DHX35: variants seen among roughly 807,000 people sequenced by gnomAD.
The protein encoded by DHX35 is DEAH-box helicase 35, also known as probable ATP-dependent RNA helicase DHX35.
DHX35 carries 84 observed loss-of-function variants against 99.6 expected under a neutral mutation model. That is an observed-to-expected ratio of 0.84 (90% confidence interval 0.71 to 1.01). The LOEUF (loss-of-function observed/expected upper bound fraction) is 1.01, where lower values mean the gene tolerates loss of function less well. DHX35 is among the 50% of genes least tolerant of loss of function. The probability of loss-of-function intolerance (pLI) is 0.00; values close to 1 mark genes in which losing one functional copy is unlikely to be tolerated. For synonymous variants in DHX35, 331 were observed against 316.2 expected, an observed-to-expected ratio of 1.05 and a Z score of -0.50; for missense variants, 852 against 888.5, an observed-to-expected ratio of 0.96 and a Z score of 0.52.
intron 2 of DHX35, among the ~76,000 whole-genome samples, chr20:38,970,780 G>A (rs929277436): frequency 6.6e-6 from 1 of 151,612 alleles, no homozygotes; most frequent in African/African-American, 2.4e-5. Flanking sequence ...TTAAATTTTG[G>A]CCTTTTCTTG....
intron 3 of DHX35, among the ~76,000 whole-genome samples, chr20:38,974,011 T>C (rs959038952): frequency 6.6e-6 from 1 of 152,254 alleles, no homozygotes; most frequent in Non-Finnish European, 1.5e-5. Context: ...TGAACATTCA[T>C]GTGCTTGTCT....
intron 3 of DHX35, among the ~76,000 whole-genome samples, chr20:38,973,907 T>G (rs2086038591): frequency 6.6e-6 from 1 of 152,236 alleles, no homozygotes; most frequent in Admixed American, 6.5e-5. Flanking sequence ...CTAGTTAGTA[T>G]TCCACTCTAT....
At chr20:38,997,630 G>A (rs561276829) in intron 8 of DHX35, among the ~76,000 whole-genome samples, 24 of 152,240 alleles carry the variant, frequency 1.6e-4, no homozygotes, top group African/African-American at 3.9e-4. Context: ...CTCAGCCAGT[G>A]CCTCCTGTGT....
At chr20:38,984,305 A>G (rs1229523346) in intron 4 of DHX35, among the ~76,000 whole-genome samples, 1 of 152,210 alleles carries the variant, frequency 6.6e-6, no homozygotes, top group Non-Finnish European at 1.5e-5. Context: ...CTGAGGAAAT[A>G]AAAAAACAAT....
chr20:39,002,916 C>A, intron 10 of DHX35, 48 bp downstream of exon 10: 1 of 1,466,374 alleles, frequency 6.8e-7, no homozygotes, highest in Non-Finnish European at 9.5e-7. Flanking sequence ...AAGACAGCAC[C>A]AAAAGTAATA....
chr20:38,983,634 T>C, intron 3 of DHX35, 65 bp from the exon 4 acceptor site: 1 of 1,346,538 alleles, frequency 7.4e-7, no homozygotes, highest in Admixed American at 1.7e-5. Flanking sequence ...TACGGGAGCA[T>C]CTTGGGGGAG....
At chr20:39,021,695 T>C in intron 15 of DHX35, 146 bp from the exon 16 acceptor site, 1 of 767,322 alleles carries the variant, frequency 1.3e-6, no homozygotes. Context: ...CTGCCCAGGC[T>C]TATATACTAT....
At position 39,003,601 on chromosome 20, in the gene DHX35, A is replaced by G. The variant is rs868606117; in HGVS notation, c.853-148A>G. The G allele has an allele frequency of 1.2e-5, 10 of 862,886 alleles. No homozygotes were observed. In the South Asian group the frequency reaches 1.6e-4, roughly 13 times the overall value. 53.5% of individuals were successfully genotyped at this position (862,886 alleles called of 1,614,324 possible). A position where few individuals can be genotyped will look rare whatever the true frequency, so the allele number is the denominator to read the frequency against. On this transcript the variant is annotated intron_variant, in intron 10 of 21. Transcript: ENST00000252011. The stretch of plus-strand genomic sequence containing the variant: ...GTGTATTAGCATTTAATTAAATACC[A>G]TCCCAGAGTGGAACATGACGGCACT...
At chr20:39,004,679 G>A (rs1021856709) in intron 11 of DHX35, among the ~76,000 whole-genome samples, 9 of 152,246 alleles carry the variant, frequency 5.9e-5, no homozygotes, top group Non-Finnish European at 1.3e-4. Flanking sequence ...GTGGTGGAAA[G>A]CATTGGTTTG....
intron 3 of DHX35, among the ~76,000 whole-genome samples, chr20:38,975,373 G>A (rs2086060559): frequency 6.6e-6 from 1 of 152,228 alleles, no homozygotes; most frequent in Non-Finnish European, 1.5e-5. Context: ...CTGTGTGATT[G>A]TCATTTAGAG....
chr20:38,991,882 G>T (rs2086343508), intron 6 of DHX35, among the ~76,000 whole-genome samples: 1 of 152,130 alleles, frequency 6.6e-6, no homozygotes, highest in Admixed American at 6.5e-5. Flanking sequence ...CTATCTGTCT[G>T]TCACTCACAG....
At chr20:39,003,350 C>G (rs1449055238) in intron 10 of DHX35, among the ~76,000 whole-genome samples, 1 of 152,214 alleles carries the variant, frequency 6.6e-6, no homozygotes, top group African/African-American at 2.4e-5. Context: ...TTTTCCACTG[C>G]CAAACACTTT....
chr20:39,003,616 A>C, intron 10 of DHX35, 133 bp from the exon 11 acceptor site: 2 of 1,007,190 alleles, frequency 2.0e-6, no homozygotes, highest in Non-Finnish European at 2.9e-6. Context: ...AGAGTGGAAC[A>C]TGACGGCACT....
chr20:39,035,463 G>C (rs1384791902), intron 21 of DHX35, among the ~76,000 whole-genome samples: 1 of 152,244 alleles, frequency 6.6e-6, no homozygotes, highest in African/African-American at 2.4e-5. Context: ...GTTTACAGCA[G>C]AAGAGAAAGT....
In DHX35 at chr20:39,038,798, C is replaced by G; in HGVS notation, c.*255C>G. The G allele has an allele frequency of 1.8e-6, 1 of 547,032 alleles. No homozygotes were observed. The highest frequency in any genetic ancestry group is 3.1e-5 in the East Asian group (1 of 31,920). The allele number at this position is 547,032 out of a possible 1,614,324, so 33.9% of individuals were successfully genotyped here. ...CGGGCAGAGTGGGAGTTGGCTCACT[C>G]AGCACGCTCACTAACCCAGCATGCC... On this transcript the variant is annotated 3_prime_UTR_variant, in exon 22 of 22. Coordinates refer to ENST00000252011, the MANE Select transcript of DHX35 (RefSeq NM_021931.4).
chr20:39,008,700 C>T (rs187032170), intron 12 of DHX35, among the ~76,000 whole-genome samples: 1 of 152,324 alleles, frequency 6.6e-6, no homozygotes, highest in Admixed American at 6.5e-5. Flanking sequence ...TTTTCCTCAG[C>T]TTATCTTCTC....
At chr20:39,036,948 C>T (rs1026075713) in intron 21 of DHX35, among the ~76,000 whole-genome samples, 29 of 152,270 alleles carry the variant, frequency 1.9e-4, no homozygotes, top group Admixed American at 5.2e-4. Context: ...GAACACAGTG[C>T]AGCACCTCAC....
chr20:39,030,815 CA>C (rs1356376590), intron 20 of DHX35, 40 bp downstream of exon 20: 2 of 1,598,490 alleles, frequency 1.3e-6, no homozygotes, highest in Non-Finnish European at 1.7e-6. Context: ...CTGCTTTGAA[CA>C]GGGCCATGTT....
chr20:39,038,714 C>G lies in DHX35; in HGVS notation c.*171C>G. ...TTCTTCCCGCTGCCCACAGCATTTGCATCCTTGCTGGGATCCTGGAGGACT... is the reference window on the plus strand; with the variant it reads ...TTCTTCCCGCTGCCCACAGCATTTGGATCCTTGCTGGGATCCTGGAGGACT... On this transcript the variant is annotated 3_prime_UTR_variant, in exon 22 of 22. Coordinates refer to ENST00000252011, the MANE Select transcript of DHX35 (RefSeq NM_021931.4). The G allele has an allele frequency of 3.1e-6, 2 of 654,982 alleles. No homozygotes were observed. Among genetic ancestry groups the G allele is most frequent in the Non-Finnish European group, 5.2e-6 (2 of 383,434 alleles). The allele number at this position is 654,982 out of a possible 1,614,324, so 40.6% of individuals were successfully genotyped here.
Sources: gnomAD v4.1 joint callset for allele counts (sites outside exome capture counted in the v4.1 genomes callset) on GRCh38, gnomAD v4.1.1 for gene constraint, MANE v1.5 for transcripts, NCBI Gene and HGNC (gene_info 2026-07-23, HGNC 2026-07-21) for gene names.